The following CLDN16 variants were observed in gnomAD, a reference collection of about 807,000 sequenced individuals.
CLDN16 encodes the protein claudin 16, also known as claudin-16.
In CLDN16, 13 loss-of-function variants were observed where a neutral mutation model predicts 24.6. The observed-to-expected ratio is 0.53, with a 90% CI of 0.34 to 0.84. The LOEUF (loss-of-function observed/expected upper bound fraction) is 0.84. CLDN16 is among the 40% of genes least tolerant of loss of function. The probability of loss-of-function intolerance (pLI) is 0.01; values close to 1 mark genes in which losing one functional copy is unlikely to be tolerated. For synonymous variants in CLDN16, 116 were observed against 106.7 expected (o/e 1.09, Z -0.54); for missense variants, 298 against 292.7 (o/e 1.02, Z -0.13).
chr3:190,383,182 CA>C (rs975756761), upstream of CLDN16, among the ~76,000 whole-genome samples: 1 of 151,966 alleles, frequency 6.6e-6, no homozygotes, highest in Middle Eastern at 3.2e-3. Context: ...AACAAACAAA[CA>C]AATAAACTTA....
At chr3:190,409,846 T>G (rs764603077) in intron 4 of CLDN16, 57 bp from the exon 5 acceptor site, 7 of 1,530,152 alleles carry the variant, frequency 4.6e-6, no homozygotes, top group African/African-American at 1.4e-5. Context: ...AAAATGGTAT[T>G]TTATAATTTT....
chr3:190,331,446 A>G (rs1351501119), intron 1 of CLDN16, among the ~76,000 whole-genome samples: 5 of 152,136 alleles, frequency 3.3e-5, no homozygotes, highest in Non-Finnish European at 7.4e-5. Context: ...TTTAGTTATA[A>G]TCTAGGCCCT....
intron 1 of CLDN16, among the ~76,000 whole-genome samples, chr3:190,348,947 A>G (rs1238913253): frequency 4.6e-5 from 7 of 152,188 alleles, no homozygotes; most frequent in Non-Finnish European, 1.0e-4. Context: ...TTAGTTTGCT[A>G]AAGATAATGG....
chr3:190,399,224 C>T (rs1194048061), intron 1 of CLDN16, among the ~76,000 whole-genome samples: 1 of 152,130 alleles, frequency 6.6e-6, no homozygotes, highest in Non-Finnish European at 1.5e-5. Context: ...TGTTTTTAGG[C>T]TGGGCACGGT....
chr3:190,355,337 C>A (rs541127480), intron 1 of CLDN16, among the ~76,000 whole-genome samples: 19 of 151,894 alleles, frequency 1.3e-4, no homozygotes, highest in Middle Eastern at 3.4e-3. Flanking sequence ...CTTTTCTTTA[C>A]CTCCACCTTA....
chr3:190,344,428 GTATA>G (rs2108631499), intron 1 of CLDN16, among the ~76,000 whole-genome samples: 1 of 151,718 alleles, frequency 6.6e-6, no homozygotes, highest in South Asian at 2.1e-4. Context: ...GATTTAATGT[GTATA>G]TAAACTGTTC....
At chr3:190,294,169 C>T in the CLDN16 span, among the ~76,000 whole-genome samples, 1 of 152,168 alleles carries the variant, frequency 6.6e-6, no homozygotes, top group Admixed American at 6.5e-5. Context: ...TTGTATTTAA[C>T]TTAAAATGCT....
At chr3:190,324,239 T>C (rs1717008132) in intron 1 of CLDN16, among the ~76,000 whole-genome samples, 2 of 152,110 alleles carry the variant, frequency 1.3e-5, no homozygotes, top group Admixed American at 1.3e-4. Context: ...TCCCAACACT[T>C]TGGGAGGCTG....
At chr3:190,332,942 T>C (rs1240128895) in intron 1 of CLDN16, among the ~76,000 whole-genome samples, 1 of 152,126 alleles carries the variant, frequency 6.6e-6, no homozygotes, top group African/African-American at 2.4e-5. Flanking sequence ...TCCAGTTGGG[T>C]TAAACTGACA....
chr3:190,388,634 G>A (rs370454514), intron 1 of CLDN16, among the ~76,000 whole-genome samples, 191 bp downstream of exon 1: 1 of 152,166 alleles, frequency 6.6e-6, no homozygotes, highest in African/African-American at 2.4e-5. Context: ...GGTAGGTCTT[G>A]TTATCCCATT....
chr3:190,376,258 G>T (rs1030198555), intron 3 of CLDN16, among the ~76,000 whole-genome samples: 1 of 151,720 alleles, frequency 6.6e-6, no homozygotes, highest in South Asian at 2.1e-4. Flanking sequence ...GTATTAAATG[G>T]TCATAAGGAT....
In CLDN16 at chr3:190,380,228, T is replaced by C. The variant is rs139505735; in HGVS notation, n.306+5625T>C. ...CCTTCCTTCCTCCCTTCCTTCCTTTTCTTCCTTCCCTCCCTTCCTTCCTTC... is the reference window on the plus strand; with the variant it reads ...CCTTCCTTCCTCCCTTCCTTCCTTTCCTTCCTTCCCTCCCTTCCTTCCTTC... On this transcript the variant is annotated intron_variant and non_coding_transcript_variant, in intron 3 of 4. Transcript: ENST00000468220. 2.9e-3 allele frequency among the ~76,000 whole-genome samples: 8 copies of C among 2,760 alleles called. 2 individuals carry two copies. Among genetic ancestry groups the C allele is most frequent in the Non-Finnish European group, 3.8e-3 (6 of 1,572 alleles). The allele number at this position is 2,760 out of a possible 152,430, so 1.8% of individuals were successfully genotyped here. A position where few individuals can be genotyped will look rare whatever the true frequency, so the allele number is the denominator to read the frequency against.
At chr3:190,315,447 A>C in the CLDN16 span, among the ~76,000 whole-genome samples, 1 of 152,154 alleles carries the variant, frequency 6.6e-6, no homozygotes, top group Non-Finnish European at 1.5e-5. Flanking sequence ...AGAACTTCGC[A>C]AATTAGGGTA....
chr3:190,395,313 C>T (rs1560095883), intron 1 of CLDN16, among the ~76,000 whole-genome samples: 3 of 151,900 alleles, frequency 2.0e-5, no homozygotes, highest in African/African-American at 4.8e-5. Context: ...CAAATAAAGT[C>T]ATGTTTTTCT....
At chr3:190,307,310 T>A in the CLDN16 span, 4 of 152,000 alleles carry the variant, frequency 2.6e-5, no homozygotes, top group Non-Finnish European at 5.9e-5. Context: ...ACAATACAAT[T>A]AAGGAATGGG....
At chr3:190,328,958 T>C (rs1283256186) in intron 1 of CLDN16, among the ~76,000 whole-genome samples, 1 of 152,212 alleles carries the variant, frequency 6.6e-6, no homozygotes, top group East Asian at 1.9e-4. Flanking sequence ...GTTACTTCTC[T>C]GGGCCCTGTA....
At chr3:190,350,764 A>G (rs535914774) in intron 1 of CLDN16, among the ~76,000 whole-genome samples, 1 of 152,188 alleles carries the variant, frequency 6.6e-6, no homozygotes, top group Non-Finnish European at 1.5e-5. Context: ...CTGAGTATAG[A>G]GGAAATACTA....
At chr3:190,392,698 GT>G (rs1183872588) in intron 1 of CLDN16, among the ~76,000 whole-genome samples, 13 of 152,182 alleles carry the variant, frequency 8.5e-5, no homozygotes, top group African/African-American at 3.1e-4. Context: ...GAAGTAGAGA[GT>G]ATTCCAAGCT....
At chr3:190,330,120 T>C (rs1312735540) in intron 1 of CLDN16, among the ~76,000 whole-genome samples, 1 of 152,084 alleles carries the variant, frequency 6.6e-6, no homozygotes, top group Non-Finnish European at 1.5e-5. Context: ...GCTAGAAATG[T>C]TTCCAAAATT....
Sources: allele counts gnomAD v4.1 joint callset (sites outside exome capture counted in the v4.1 genomes callset), GRCh38; gene constraint gnomAD v4.1.1; transcripts MANE v1.5; gene names NCBI Gene and HGNC (gene_info 2026-07-23, HGNC 2026-07-21).